Variants in RSRC1 observed in about 807,000 individuals in gnomAD.
The protein encoded by RSRC1 is arginine and serine rich coiled-coil 1, also known as serine/Arginine-related protein 53.
RSRC1 carries 39 observed loss-of-function variants against 49.1 expected under a neutral mutation model. The ratio of observed to expected loss-of-function variants is 0.79; its 90% CI spans 0.61 to 1.04. The LOEUF (loss-of-function observed/expected upper bound fraction) is 1.04, where lower values mean the gene tolerates loss of function less well. RSRC1 is among the 50% of genes least tolerant of loss of function. The pLI, the probability that RSRC1 is intolerant of heterozygous loss-of-function variation, is 0.00. For synonymous variants in RSRC1, 143 were observed against 130.8 expected, an observed-to-expected ratio of 1.09 and a Z score of -0.63; for missense variants, 388 against 402.4, an observed-to-expected ratio of 0.96 and a Z score of 0.31.
chr3:158,199,982 A>AAT (rs34541784), intron 3 of RSRC1, among the ~76,000 whole-genome samples: 58,885 of 151,744 alleles, frequency 0.39, 12,280 homozygotes, highest in East Asian at 0.64. Flanking sequence ...ATGTGACATT[A>AAT]ATATATTAAC....
intron 6 of RSRC1, among the ~76,000 whole-genome samples, chr3:158,386,956 T>A (rs1214049581): frequency 6.6e-6 from 1 of 152,076 alleles, no homozygotes; most frequent in Non-Finnish European, 1.5e-5. Context: ...TAAGAAACAT[T>A]TTATTTTAAA....
chr3:158,234,033 G>A (rs887709002), intron 4 of RSRC1, among the ~76,000 whole-genome samples: 4 of 152,116 alleles, frequency 2.6e-5, no homozygotes, highest in East Asian at 1.9e-4. Flanking sequence ...AGGGATAATC[G>A]CCTCAATCTA....
intron 6 of RSRC1, among the ~76,000 whole-genome samples, chr3:158,362,377 T>C (rs1194952545): frequency 3.9e-5 from 6 of 152,136 alleles, no homozygotes; most frequent in Admixed American, 2.0e-4. Context: ...CTTCTACATC[T>C]TTCCCAGCAG....
At chr3:158,376,427 G>T (rs1267583441) in intron 6 of RSRC1, among the ~76,000 whole-genome samples, 1 of 151,922 alleles carries the variant, frequency 6.6e-6, no homozygotes, top group Non-Finnish European at 1.5e-5. Context: ...CTCCCAAAGT[G>T]CTGGGATTAC....
At chr3:158,194,803 A>G (rs372745708) in intron 3 of RSRC1, among the ~76,000 whole-genome samples, 1 of 151,996 alleles carries the variant, frequency 6.6e-6, no homozygotes, top group Non-Finnish European at 1.5e-5. Flanking sequence ...AGCTTCATCC[A>G]TGTCCCTACA....
intron 4 of RSRC1, among the ~76,000 whole-genome samples, chr3:158,211,422 A>G (rs13081922): frequency 6.6e-6 from 1 of 152,014 alleles, no homozygotes; most frequent in East Asian, 1.9e-4. Flanking sequence ...AGGAGTAGAC[A>G]CAAACGTAGG....
intron 4 of RSRC1, among the ~76,000 whole-genome samples, chr3:158,257,681 AT>A (rs1051020068): frequency 6.6e-5 from 10 of 151,826 alleles, no homozygotes; most frequent in South Asian, 2.1e-4. Flanking sequence ...CCATTTTGTT[AT>A]TTGTGTTCTA....
Position 158,538,284 on chromosome 3 carries a change from C to A in RSRC1, c.759+1086C>A, listed in dbSNP as rs932901509. 6.6e-5 allele frequency among the ~76,000 whole-genome samples: 10 copies of A among 151,942 alleles called. No homozygotes were observed. The East Asian group carries it at 1.9e-3, about 29-fold the overall frequency. On this transcript the variant is annotated intron_variant, in intron 8 of 9. Coordinates refer to ENST00000611884, the MANE Select transcript of RSRC1 (RefSeq NM_001271838.2). ...CATATACTACATGTTAGGCATAGGA[C>A]CAGATAGCCCTGGATAATCTGTGGT... is the stretch of plus-strand genomic sequence containing the variant.
At chr3:158,504,588 C>T (rs932991793) in intron 7 of RSRC1, among the ~76,000 whole-genome samples, 1 of 152,190 alleles carries the variant, frequency 6.6e-6, no homozygotes, top group Non-Finnish European at 1.5e-5. Flanking sequence ...GGTCTACTTA[C>T]TACTTACTGA....
chr3:158,372,046 T>TTTTTTTTTTTTTTTTTTTTTTG (rs1247998134), intron 6 of RSRC1, among the ~76,000 whole-genome samples: 1 of 139,716 alleles, frequency 7.2e-6, no homozygotes, highest in Non-Finnish European at 1.7e-5. Context: ...TGCTGAGTTT[T>TTTTTTTTTTTTTTTTTTTTTTG]AAGAGTTTGT....
intron 4 of RSRC1, among the ~76,000 whole-genome samples, chr3:158,277,090 G>A (rs1725859825): frequency 6.6e-6 from 1 of 152,126 alleles, no homozygotes; most frequent in Non-Finnish European, 1.5e-5. Context: ...TATAACAAGA[G>A]AGAAAATATA....
At chr3:158,504,539 G>C (rs1436978412) in intron 7 of RSRC1, among the ~76,000 whole-genome samples, 1 of 152,188 alleles carries the variant, frequency 6.6e-6, no homozygotes, top group Admixed American at 6.5e-5. Flanking sequence ...GTATGACCTA[G>C]ATTTACACAC....
chr3:158,157,643 T>A (rs1406484125), intron 3 of RSRC1, among the ~76,000 whole-genome samples: 1 of 152,108 alleles, frequency 6.6e-6, no homozygotes, highest in East Asian at 1.9e-4. Context: ...TGAGGAACAA[T>A]GAAGAGCAAG....
At chr3:158,219,454 A>G (rs1722119281) in intron 4 of RSRC1, among the ~76,000 whole-genome samples, 1 of 151,598 alleles carries the variant, frequency 6.6e-6, no homozygotes, top group South Asian at 2.1e-4. Flanking sequence ...CTAAAAATCC[A>G]TGTAATTACA....
At chr3:158,433,128 A>G (rs77298999) in intron 6 of RSRC1, among the ~76,000 whole-genome samples, 2,446 of 152,048 alleles carry the variant, frequency 0.016, 63 homozygotes, top group African/African-American at 0.056. Flanking sequence ...AGCCAAGAAC[A>G]TACTATATAA....
chr3:158,337,690 T>C (rs1729996724), intron 5 of RSRC1, among the ~76,000 whole-genome samples: 3 of 152,158 alleles, frequency 2.0e-5, no homozygotes, highest in African/African-American at 4.8e-5. Flanking sequence ...GATACCTCCA[T>C]TATGTTAAGT....
intron 3 of RSRC1, among the ~76,000 whole-genome samples, chr3:158,181,973 G>C (rs1230550852): frequency 6.6e-6 from 1 of 152,108 alleles, no homozygotes; most frequent in African/African-American, 2.4e-5. Context: ...AAGGAGGATA[G>C]TCAATGAACA....
chr3:158,364,624 T>C (rs1457863931), intron 6 of RSRC1, among the ~76,000 whole-genome samples: 1 of 151,982 alleles, frequency 6.6e-6, no homozygotes, highest in Non-Finnish European at 1.5e-5. Flanking sequence ...ATAAAACACT[T>C]AGAGCAGTAC....
chr3:158,122,543 T>G (rs1465484513), intron 2 of RSRC1, among the ~76,000 whole-genome samples: 1 of 151,694 alleles, frequency 6.6e-6, no homozygotes, highest in Non-Finnish European at 1.5e-5. Flanking sequence ...TAATTTAATT[T>G]AATTTTTTTT....
Sources: allele counts gnomAD v4.1 joint callset (sites outside exome capture counted in the v4.1 genomes callset), GRCh38; gene constraint gnomAD v4.1.1; transcripts MANE v1.5; gene names NCBI Gene and HGNC (gene_info 2026-07-23, HGNC 2026-07-21).